Variants in ANKRD50 observed in about 807,000 individuals in gnomAD.
ANKRD50 encodes ankyrin repeat domain-containing protein 50.
ANKRD50 carries 40 observed loss-of-function variants against 112.0 expected under a neutral mutation model. The ratio of observed to expected loss-of-function variants is 0.36; its 90% CI spans 0.28 to 0.46. The LOEUF (loss-of-function observed/expected upper bound fraction) is 0.46, where lower values mean the gene tolerates loss of function less well. Ranked by LOEUF, ANKRD50 falls within the 20% of genes least tolerant of loss-of-function variation. The pLI is 1.00. For missense variants in ANKRD50, 1,487 were observed against 1,701.7 expected, an observed-to-expected ratio of 0.87 and a Z score of 2.22; for synonymous variants, 613 against 619.1, an observed-to-expected ratio of 0.99 and a Z score of 0.15.
At position 124,686,540 on chromosome 4, in the gene ANKRD50, T is replaced by A. The variant is rs922760395; in HGVS notation, c.513-7635A>T. On this transcript the variant is annotated intron_variant, in intron 2 of 4. Transcript: ENST00000504087. ...CCCATATGACCCCTATGGAAAAGCC[T>A]TAACAAGGAGTGGGTGGGGAGGAAT... is the stretch of plus-strand genomic sequence containing the variant. 1.6e-4 allele frequency among the ~76,000 whole-genome samples: 25 copies of A among 152,066 alleles called. 1 individual carries two copies. Among genetic ancestry groups the A allele is most frequent in the Non-Finnish European group, 5.9e-5 (4 of 68,000 alleles).
At chr4:124,706,247 T>C (rs1036896707) in intron 2 of ANKRD50, among the ~76,000 whole-genome samples, 1 of 152,124 alleles carries the variant, frequency 6.6e-6, no homozygotes, top group South Asian at 2.1e-4. Flanking sequence ...AAATGAACTA[T>C]GCTTCAAACG....
chr4:124,670,273 G>C lies in ANKRD50; in HGVS notation c.3004C>G (p.His1002Asp), dbSNP rs371573842. ...MEMVQVLIAYHADVNAADNEK... is the reference protein window; with the variant it reads ...MEMVQVLIAYDADVNAADNEK... ...TTGTCTGCAGCATTGACGTCAGCAT[G>C]GTATGCTATCAGGACCTGCACCATT... Residue 1002 changes from histidine (H) to aspartate (D), a missense_variant, in exon 4 of 5, where the codon CAT (histidine) becomes GAT (aspartate). Around this residue, in one of 2 missense-constraint regions of ANKRD50, gnomAD observed 1,046 missense variants for 1,269.5 expected, o/e 0.82. Coordinates refer to ENST00000504087, the MANE Select transcript of ANKRD50 (RefSeq NM_020337.3). 1 of 1,613,936 alleles carries C rather than the reference G, an allele frequency of 6.2e-7. No individual in the cohort carries two copies. The highest frequency in any genetic ancestry group is 2.2e-5 in the East Asian group (1 of 44,870).
chr4:124,669,934 T>A lies in ANKRD50; in HGVS notation c.3343A>T (p.Thr1115Ser). 1 of 1,613,284 alleles carries A rather than the reference T, an allele frequency of 6.2e-7. No individual in the cohort carries two copies. The highest frequency in any genetic ancestry group is 1.1e-5 in the South Asian group (1 of 90,846). The change falls in exon 4 of 5, where the codon ACA becomes TCA. Residue 1115 changes from threonine (T) to serine (S), a missense_variant. Thr to Ser is a moderately conservative substitution (Grantham distance 58). Around this residue, in one of 2 missense-constraint regions of ANKRD50, gnomAD observed 441 missense variants for 432.2 expected, o/e 1.02. Transcript: ENST00000504087. ...LNGCSPSPVH[T>S]MEQKPLQSLS... ...GACTGTAGAGGTTTTTGCTCCATTG[T>A]GTGAACAGGAGATGGGGAACAGCCA...
rs555490616 is a variant in ANKRD50 at position 124,681,798 on chromosome 4, A to C, written c.513-2893T>G. Among the ~76,000 whole-genome samples, 4 of 152,250 alleles carry C rather than the reference A, an allele frequency of 2.6e-5. No homozygotes were observed. The South Asian group carries it at 8.3e-4, about 32-fold the overall frequency. ...TCTAATATAATCCTTTAATGCTGTT[A>C]ATTTCCCTCTAAGTATTTTCAGTAT... is the stretch of plus-strand genomic sequence containing the variant. On this transcript the variant is annotated intron_variant, in intron 2 of 4. Transcript: ENST00000504087.
intron 2 of ANKRD50, among the ~76,000 whole-genome samples, chr4:124,693,680 A>G (rs1317104013): frequency 1.3e-5 from 2 of 152,148 alleles, no homozygotes; most frequent in Non-Finnish European, 2.9e-5. Context: ...ATTACCAGTT[A>G]CCTTGATATT....
At chr4:124,698,111 C>T (rs77917750) in intron 2 of ANKRD50, among the ~76,000 whole-genome samples, 2,103 of 151,334 alleles carry the variant, frequency 0.014, 48 homozygotes, top group African/African-American at 0.048. Flanking sequence ...GGTACTAGTA[C>T]AAGATATTTG....
In ANKRD50 at chr4:124,671,861, A is replaced by C. The variant is rs935884572; in HGVS notation, c.1416T>G (p.Ala472=). ...SNLQLETAEL[A]LWMIWNGTPV... Reference sequence around the variant, plus strand: ...GTGTACCATTCCATATCATCCACAGAGCTAACTCCGCTGTCTCTAATTGTA... The same window carrying C: ...GTGTACCATTCCATATCATCCACAGCGCTAACTCCGCTGTCTCTAATTGTA... The change falls in exon 4 of 5, where the codon GCT becomes GCG. Residue 472 remains alanine (A), a synonymous_variant. Transcript: ENST00000504087. 1 of 1,613,760 alleles carries C rather than the reference A, an allele frequency of 6.2e-7. No individual in the cohort carries two copies. The highest frequency in any genetic ancestry group is 8.5e-7 in the Non-Finnish European group (1 of 1,179,876).
At chr4:124,691,709 T>C (rs920911443) in intron 2 of ANKRD50, among the ~76,000 whole-genome samples, 2 of 152,110 alleles carry the variant, frequency 1.3e-5, no homozygotes, top group African/African-American at 4.8e-5. Flanking sequence ...CTGGCCCTTT[T>C]TGAGTCTCCT....
chr4:124,704,591 G>C (rs557217946), intron 2 of ANKRD50, among the ~76,000 whole-genome samples: 1 of 152,158 alleles, frequency 6.6e-6, no homozygotes, highest in Non-Finnish European at 1.5e-5. Flanking sequence ...TTATTCAAGA[G>C]CTTCAGCCTT....
intron 2 of ANKRD50, among the ~76,000 whole-genome samples, chr4:124,683,919 T>TTC (rs1553967542): frequency 6.8e-6 from 1 of 147,728 alleles, no homozygotes; most frequent in African/African-American, 2.5e-5. Context: ...TTTTTTTTTT[T>TTC]CCATTTATAG....
chr4:124,694,691 T>A lies in ANKRD50; in HGVS notation c.512+15309A>T, dbSNP rs367972275. The stretch of plus-strand genomic sequence containing the variant: ...AGTTAGTCTCAATGGAGACAGGAAC[T>A]GAACCTAAAAAGATCATGGGTCAGT... On this transcript the variant is annotated intron_variant, in intron 2 of 4. Transcript: ENST00000504087. Among the ~76,000 whole-genome samples the A allele has an allele frequency of 3.9e-5, 6 of 152,206 alleles. No homozygotes were observed. The East Asian group carries it at 1.2e-3, about 29-fold the overall frequency.
chr4:124,705,220 G>A (rs1313319702), intron 2 of ANKRD50, among the ~76,000 whole-genome samples: 1 of 152,192 alleles, frequency 6.6e-6, no homozygotes, highest in Non-Finnish European at 1.5e-5. Context: ...AACATTCAAT[G>A]ATTCCCATTT....
intron 2 of ANKRD50, among the ~76,000 whole-genome samples, chr4:124,690,124 A>G (rs1462042154): frequency 6.6e-6 from 1 of 152,172 alleles, no homozygotes; most frequent in East Asian, 1.9e-4. Flanking sequence ...TTACACAAAA[A>G]CAAACAAAAA....
intron 2 of ANKRD50, among the ~76,000 whole-genome samples, chr4:124,695,953 G>A (rs188408405): frequency 1.7e-4 from 26 of 151,788 alleles, no homozygotes; most frequent in Admixed American, 5.3e-4. Context: ...ACATCACCTG[G>A]AAATCTACAA....
At position 124,666,497 on chromosome 4, in the gene ANKRD50, A is replaced by C. The variant is rs926277069; in HGVS notation, c.*1021T>G. 2.6e-5 allele frequency: 4 copies of C among 152,446 alleles called. No homozygotes were observed. The highest frequency in any genetic ancestry group is 5.9e-5 in the Non-Finnish European group (4 of 67,952). The allele number at this position is 152,446 out of a possible 1,614,324, so 9.4% of individuals were successfully genotyped here. On this transcript the variant is annotated 3_prime_UTR_variant, in exon 5 of 5. Coordinates refer to ENST00000504087, the MANE Select transcript of ANKRD50 (RefSeq NM_020337.3). ...ATTAAAATTAATCCAATTGATTTTG[A>C]GTGGGGCTATTTTGGTCATGCAGCA...
intron 2 of ANKRD50, among the ~76,000 whole-genome samples, chr4:124,706,829 C>G (rs1205387205): frequency 6.6e-6 from 1 of 152,020 alleles, no homozygotes; most frequent in Non-Finnish European, 1.5e-5. Context: ...TTACATTAGT[C>G]TACACTTGAG....
At chr4:124,691,679 T>C (rs1210133615) in intron 2 of ANKRD50, among the ~76,000 whole-genome samples, 2 of 152,108 alleles carry the variant, frequency 1.3e-5, no homozygotes. Flanking sequence ...CATTCTGATG[T>C]CTCATGTAAT....
intron 2 of ANKRD50, among the ~76,000 whole-genome samples, chr4:124,689,628 A>G (rs1024919464): frequency 6.6e-6 from 1 of 152,142 alleles, no homozygotes; most frequent in African/African-American, 2.4e-5. Context: ...CTGAAAAATC[A>G]GCTCTTCTTG....
chr4:124,681,700 C>A (rs1724891265), intron 2 of ANKRD50, among the ~76,000 whole-genome samples: 1 of 152,122 alleles, frequency 6.6e-6, no homozygotes, highest in Admixed American at 6.6e-5. Flanking sequence ...TTTGCCTATT[C>A]CAGGATATTT....
Sources: allele counts gnomAD v4.1 joint callset (sites outside exome capture counted in the v4.1 genomes callset), GRCh38; gene constraint gnomAD v4.1.1; regional missense constraint gnomAD v4.1.1; transcripts MANE v1.5; gene names NCBI Gene and HGNC (gene_info 2026-07-23, HGNC 2026-07-21).